Variants in CELA2A observed in about 807,000 individuals in gnomAD.
CELA2A encodes the protein chymotrypsin like elastase 2A.
A neutral mutation model predicts 35.3 loss-of-function variants in CELA2A; 31 were observed. That is an observed-to-expected ratio of 0.88 (90% confidence interval 0.66 to 1.19). The LOEUF (loss-of-function observed/expected upper bound fraction) is 1.19. Among genes scored for constraint, CELA2A ranks in the 50% most tolerant of loss-of-function variants. The pLI is 0.00. For synonymous variants in CELA2A, 150 were observed against 149.8 expected (o/e 1.00, Z -0.01); for missense variants, 330 against 352.9 (o/e 0.94, Z 0.52).
intron 5 of CELA2A, among the ~76,000 whole-genome samples, chr1:15,463,983 T>C (rs1231586393): frequency 1.3e-5 from 2 of 151,754 alleles, no homozygotes; most frequent in Non-Finnish European, 2.9e-5. Flanking sequence ...ACCTGGGAGA[T>C]GGAGGTTGCA....
rs1022170260 is a variant in CELA2A at position 15,462,976 on chromosome 1, G to C, written c.356+115G>C. 20 of 1,451,934 alleles carry C rather than the reference G, an allele frequency of 1.4e-5. No individual in the cohort carries two copies. In the African/African-American group the frequency reaches 2.8e-4, roughly 20 times the overall value. 89.9% of individuals were successfully genotyped at this position (1,451,934 alleles called of 1,614,324 possible). ...CCCCTCTGCTTCTTCTACAGGGAGG[G>C]GGAAGGAGCTCTGGCCTCTTAGATG... On this transcript the variant is annotated intron_variant, in intron 4 of 7. Transcript: ENST00000359621.
chr1:15,460,464 GGTCATCGTTCCCCACA>G (rs1388672157), intron 2 of CELA2A, among the ~76,000 whole-genome samples: 1 of 152,036 alleles, frequency 6.6e-6, no homozygotes, highest in Non-Finnish European at 1.5e-5. Context: ...CCAACAAACA[GGTCATCGTTCCCCACA>G]GTTATAGGGA....
chr1:15,470,525 TAAG>T (rs1270724350), intron 7 of CELA2A, among the ~76,000 whole-genome samples: 1 of 152,178 alleles, frequency 6.6e-6, no homozygotes, highest in Non-Finnish European at 1.5e-5. Context: ...GGTAAAAAAG[TAAG>T]AAGTCCCCCC....
Position 15,467,534 on chromosome 1 carries a change from A to T in CELA2A, c.788A>T (p.Asn263Ile), listed in dbSNP as rs1199090690. 9 of 1,614,104 alleles carry T rather than the reference A, an allele frequency of 5.6e-6. No homozygotes were observed. The highest frequency in any genetic ancestry group is 7.6e-6 in the Non-Finnish European group (9 of 1,180,006). Residue 263 changes from asparagine (N) to isoleucine (I), a missense_variant, in exon 7 of 8, where the codon AAT becomes ATT. Asn to Ile is a moderately radical substitution (Grantham distance 149, BLOSUM62 -3). Coordinates refer to ENST00000359621, the MANE Select transcript of CELA2A (RefSeq NM_033440.3). The part of the protein sequence containing the change: ...TRVSNYIDWI[N>I]SVIANN The stretch of plus-strand genomic sequence containing the variant: ...GTCTCCAATTACATCGACTGGATCA[A>T]TTCGGTAAGAACCGGACCAGCCCTG...
Position 15,463,530 on chromosome 1 carries a change from G to A in CELA2A, c.493+8G>A, listed in dbSNP as rs764234163. On this transcript the variant is annotated splice_region_variant and intron_variant, in intron 5 of 7. Transcript: ENST00000359621. ...GCTGGGGAAGGCTGCAGAGTAAGTGGGAGCCAGGAGCCCCCAGGCCTGGGA... is the reference window on the plus strand; with the variant it reads ...GCTGGGGAAGGCTGCAGAGTAAGTGAGAGCCAGGAGCCCCCAGGCCTGGGA... The A allele has an allele frequency of 6.2e-7, 1 of 1,613,078 alleles. No individual in the cohort carries two copies. The highest frequency in any genetic ancestry group is 1.7e-5 in the Admixed American group (1 of 59,970).
intron 7 of CELA2A, 93 bp downstream of exon 7, chr1:15,467,631 C>T: frequency 1.4e-6 from 2 of 1,478,586 alleles, no homozygotes; most frequent in Non-Finnish European, 1.8e-6. Flanking sequence ...GAATCCCCTC[C>T]TTCCTCTTGA....
At position 15,462,851 on chromosome 1, in the gene CELA2A, A is replaced by C. The variant is rs764883532; in HGVS notation, c.346A>C (p.Ile116Leu). 2 of 1,614,004 alleles carry C rather than the reference A, an allele frequency of 1.2e-6. No individual in the cohort carries two copies. Among genetic ancestry groups the C allele is most frequent in the Non-Finnish European group, 1.7e-6 (2 of 1,179,974 alleles). Reference protein sequence around the residue: ...VVHKDWNSNQISKGNDIALLK... With the variant: ...VVHKDWNSNQLSKGNDIALLK... ...GCACAAGGACTGGAACTCCAACCAA[A>C]TCTCCAAAGGGTTCGTTTCTGTCTG... The change falls in exon 4 of 8, where the codon ATC becomes CTC. Residue 116 changes from isoleucine to leucine, a missense_variant. Physicochemically the swap from Ile to Leu is conservative, Grantham distance 5 (BLOSUM62 2). Transcript: ENST00000359621.
chr1:15,461,179 G>T (rs1350318264), intron 2 of CELA2A, among the ~76,000 whole-genome samples: 1 of 152,058 alleles, frequency 6.6e-6, no homozygotes, highest in African/African-American at 2.4e-5. Context: ...TCCCTCGCAC[G>T]ACAAATGGGG....
chr1:15,466,208 G>GGATGGACC, intron 6 of CELA2A, 64 bp downstream of exon 6: 1 of 1,562,978 alleles, frequency 6.4e-7, no homozygotes, highest in Non-Finnish European at 8.8e-7. Flanking sequence ...GGCTATAGAG[G>GGATGGACC]TCCATCCCTC....
rs566162512 is a variant in CELA2A at position 15,469,984 on chromosome 1, C to T, written c.793-2006C>T. Among the ~76,000 whole-genome samples the T allele has an allele frequency of 3.7e-4, 57 of 152,284 alleles. 1 individual carries two copies. Among genetic ancestry groups the T allele is most frequent in the African/African-American group, 1.3e-3 (56 of 41,572 alleles). On this transcript the variant is annotated intron_variant, in intron 7 of 7. Coordinates refer to ENST00000359621, the MANE Select transcript of CELA2A (RefSeq NM_033440.3). Reference sequence around the variant, plus strand: ...AGCATCAGCTGTTCCCAGCCACAGACACAAGCACAACAGAACAGGCCAGAT... The same window carrying T: ...AGCATCAGCTGTTCCCAGCCACAGATACAAGCACAACAGAACAGGCCAGAT...
chr1:15,456,813 G>A lies in CELA2A; in HGVS notation c.40+20G>A, dbSNP rs777880869. 2.5e-6 allele frequency: 4 copies of A among 1,614,158 alleles called. No homozygotes were observed. Among genetic ancestry groups the A allele is most frequent in the Admixed American group, 3.3e-5 (2 of 60,020 alleles). ...CTGGAGGTAAGTCCTGTTACCCAGA[G>A]GCACTGGTTTCCCATGCCCTGGTGG... is the stretch of plus-strand genomic sequence containing the variant. On this transcript the variant is annotated intron_variant, in intron 1 of 7. Transcript: ENST00000359621.
chr1:15,466,008 C>G lies in CELA2A; in HGVS notation c.503C>G (p.Ala168Gly). The change falls in exon 6 of 8, where the codon GCT becomes GGT. Residue 168 changes from alanine (A) to glycine (G), a missense_variant. Physicochemically the swap from Ala to Gly is moderately conservative, Grantham distance 60 (BLOSUM62 0). Transcript: ENST00000359621. ...TGWGRLQTNG[A>G]VPDVLQQGRL... ...CTCTGATCTCATTCAGCCAACGGGG[C>G]TGTTCCTGATGTCCTGCAGCAGGGC... The G allele has an allele frequency of 6.2e-7, 1 of 1,614,150 alleles. No individual in the cohort carries two copies. Among genetic ancestry groups the G allele is most frequent in the Non-Finnish European group, 8.5e-7 (1 of 1,180,034 alleles).
At chr1:15,463,672 A>G in intron 5 of CELA2A, 150 bp downstream of exon 5, 2 of 1,243,088 alleles carry the variant, frequency 1.6e-6, no homozygotes, top group South Asian at 2.9e-5. Flanking sequence ...GCCTGGGATC[A>G]AATGTCAGCT....
intron 2 of CELA2A, chr1:15,457,609 CAAA>C (rs79860840): frequency 1.1e-4 from 14 of 129,646 alleles, no homozygotes; most frequent in Non-Finnish European, 1.7e-4. Context: ...GACTCTGTCT[CAAA>C]AAAAAAAAAA....
chr1:15,461,439 G>A (rs1020103529), intron 2 of CELA2A, 122 bp from the exon 3 acceptor site: 3 of 957,950 alleles, frequency 3.1e-6, no homozygotes, highest in Middle Eastern at 3.3e-4. Flanking sequence ...CTTAAGTTGT[G>A]CACATGAGGC....
At chr1:15,464,922 A>T (rs989285205) in intron 5 of CELA2A, among the ~76,000 whole-genome samples, 3 of 152,164 alleles carry the variant, frequency 2.0e-5, no homozygotes, top group African/African-American at 7.2e-5. Flanking sequence ...TGAAAGGTGA[A>T]AATGCATCAT....
Position 15,462,864 on chromosome 1 carries a change from T to C in CELA2A, c.356+3T>C, listed in dbSNP as rs750800980. 8 of 1,614,098 alleles carry C rather than the reference T, an allele frequency of 5.0e-6. No individual in the cohort carries two copies. In the South Asian group the frequency reaches 8.8e-5, roughly 18 times the overall value. ...AACTCCAACCAAATCTCCAAAGGGT[T>C]CGTTTCTGTCTGGGTGCACTTGGGG... On this transcript the variant is annotated splice_donor_region_variant and intron_variant, in intron 4 of 7. Transcript: ENST00000359621.
Position 15,463,334 on chromosome 1 carries a change from A to G in CELA2A, c.357-52A>G. 2.5e-6 allele frequency: 4 copies of G among 1,610,858 alleles called. No individual in the cohort carries two copies. In the South Asian group the frequency reaches 4.4e-5, roughly 18 times the overall value. ...GGTCTCCAAGCCCTCCAAAGCCCAC[A>G]GGGCAGGAAAAGTCAACCCGGTCCT... is the stretch of plus-strand genomic sequence containing the variant. On this transcript the variant is annotated intron_variant, in intron 4 of 7. Coordinates refer to ENST00000359621, the MANE Select transcript of CELA2A (RefSeq NM_033440.3).
Position 15,467,424 on chromosome 1 carries a change from CG to C in CELA2A, c.680del (p.Gly227AlafsTer39), listed in dbSNP as rs770870237. On this transcript the variant is annotated frameshift_variant, in exon 7 of 8. Coordinates refer to ENST00000359621, the MANE Select transcript of CELA2A (RefSeq NM_033440.3). LOFTEE classifies it high-confidence loss of function. ...GGCCACTGAACTGTCAGGCGTCTGACGGCCGGTGGCAGGTGCACGGCATCGT... is the reference window on the plus strand; with the variant it reads ...GGCCACTGAACTGTCAGGCGTCTGACGCCGGTGGCAGGTGCACGGCATCGT... ...GGPLNCQASDGRWQVHGIVSF... is the reference protein window; with the variant it reads ...GGPLNCQASDXRWQVHGIVSF... 8.7e-6 allele frequency: 14 copies of C among 1,613,966 alleles called. No homozygotes were observed. Among genetic ancestry groups the C allele is most frequent in the Non-Finnish European group, 1.2e-5 (14 of 1,180,026 alleles).
Sources: allele counts gnomAD v4.1 joint callset (sites outside exome capture counted in the v4.1 genomes callset), GRCh38; gene constraint gnomAD v4.1.1; transcripts MANE v1.5; gene names NCBI Gene and HGNC (gene_info 2026-07-23, HGNC 2026-07-21).